Variants in HTR1F observed in about 807,000 individuals in gnomAD.
HTR1F encodes 5-hydroxytryptamine receptor 1F.
A neutral mutation model predicts 24.0 loss-of-function variants in HTR1F; 17 were observed. That is an observed-to-expected ratio of 0.71 (90% confidence interval 0.48 to 1.06). HTR1F has a LOEUF of 1.06. Among genes scored for constraint, HTR1F ranks in the 50% least tolerant of loss-of-function variants. The pLI is 0.00. For missense variants in HTR1F, 391 were observed against 427.8 expected, an observed-to-expected ratio of 0.91 and a Z score of 0.76; for synonymous variants, 186 against 156.8, an observed-to-expected ratio of 1.19 and a Z score of -1.39.
At chr3:87,878,924 C>G (rs1490694680) in intron 2 of HTR1F, among the ~76,000 whole-genome samples, 1 of 152,020 alleles carries the variant, frequency 6.6e-6, no homozygotes, top group African/African-American at 2.4e-5. Flanking sequence ...GTCTGTTATT[C>G]TTTTCATCTT....
chr3:87,810,436 A>T lies in HTR1F; in HGVS notation c.-159-11572A>T, dbSNP rs184948475. On this transcript the variant is annotated intron_variant, in intron 1 of 2. Transcript: ENST00000319595. The stretch of plus-strand genomic sequence containing the variant: ...GCGTTTTTCCCAAAGTTCCAAGCAG[A>T]CAGTAGGCCTAGAAATGACTTCCAT... Among the ~76,000 whole-genome samples, 417 of 152,274 alleles carry T rather than the reference A, an allele frequency of 2.7e-3. 7 individuals carry two copies. The highest frequency in any genetic ancestry group is 0.023 in the Admixed American group (353 of 15,280).
intron 2 of HTR1F, among the ~76,000 whole-genome samples, chr3:87,838,425 T>A (rs754401755): frequency 1.3e-5 from 2 of 152,174 alleles, no homozygotes; most frequent in Admixed American, 6.5e-5. Flanking sequence ...CTGCTCATAA[T>A]CACCACTCTG....
At chr3:87,927,451 T>A (rs1704153287) in intron 2 of HTR1F, among the ~76,000 whole-genome samples, 1 of 152,098 alleles carries the variant, frequency 6.6e-6, no homozygotes, top group African/African-American at 2.4e-5. Context: ...GTAATACAGA[T>A]CCAGAAAATG....
chr3:87,909,590 A>G (rs929901651), intron 2 of HTR1F, among the ~76,000 whole-genome samples: 5 of 152,076 alleles, frequency 3.3e-5, no homozygotes, highest in Non-Finnish European at 7.4e-5. Flanking sequence ...TACAAAATCA[A>G]TTTTACCAGA....
chr3:87,993,152 C>T lies in HTR1F; in HGVS notation c.*1302C>T, dbSNP rs1172703513. 6.0e-6 allele frequency: 1 copy of T among 166,624 alleles called. No individual in the cohort carries two copies. The highest frequency in any genetic ancestry group is 1.5e-5 in the Non-Finnish European group (1 of 68,028). The allele number at this position is 166,624 out of a possible 1,614,324, so 10.3% of individuals were successfully genotyped here. A position where few individuals can be genotyped will look rare whatever the true frequency, so the allele number is the denominator to read the frequency against. On this transcript the variant is annotated 3_prime_UTR_variant, in exon 3 of 3. Transcript: ENST00000319595. Reference sequence around the variant, plus strand: ...AGATCGTTTGAAAAACAATATATACCTTTTTTTAAGTTGTACATTTATGTG... The same window carrying T: ...AGATCGTTTGAAAAACAATATATACTTTTTTTTAAGTTGTACATTTATGTG...
intron 1 of HTR1F, chr3:87,793,181 C>T (rs1307810617): frequency 6.6e-6 from 1 of 152,434 alleles, no homozygotes; most frequent in Admixed American, 6.5e-5. Flanking sequence ...CGGCGAGACC[C>T]CACTTAGGGC....
At chr3:87,928,419 G>A (rs1232232199) in intron 2 of HTR1F, among the ~76,000 whole-genome samples, 1 of 152,054 alleles carries the variant, frequency 6.6e-6, no homozygotes, top group Admixed American at 6.6e-5. Context: ...GACAGCTCTA[G>A]CATTTCTAAG....
chr3:87,826,788 T>C (rs879386068), intron 2 of HTR1F, among the ~76,000 whole-genome samples: 2 of 152,134 alleles, frequency 1.3e-5, no homozygotes, highest in Admixed American at 1.3e-4. Flanking sequence ...AAATAGTAGA[T>C]AATGGAAGGT....
chr3:87,821,373 T>C (rs1161783992), intron 1 of HTR1F, among the ~76,000 whole-genome samples: 1 of 152,206 alleles, frequency 6.6e-6, no homozygotes. Flanking sequence ...CTTTTGTTTT[T>C]GTCTTCTCAT....
chr3:87,871,803 A>G (rs1705564304), intron 2 of HTR1F, among the ~76,000 whole-genome samples: 1 of 152,114 alleles, frequency 6.6e-6, no homozygotes, highest in Non-Finnish European at 1.5e-5. Context: ...GCAGCAGCAC[A>G]TTAACAGTAG....
Position 87,942,792 on chromosome 3 carries a change from T to C in HTR1F, c.-42-47916T>C, listed in dbSNP as rs1320710761. Among the ~76,000 whole-genome samples, 4 of 151,942 alleles carry C rather than the reference T, an allele frequency of 2.6e-5. No homozygotes were observed. In the East Asian group the frequency reaches 5.8e-4, roughly 22 times the overall value. On this transcript the variant is annotated intron_variant, in intron 2 of 2. Coordinates refer to ENST00000319595, the MANE Select transcript of HTR1F (RefSeq NM_001322209.2). ...TTCCACCTGCTCCTCCTGATCTCTA[T>C]TATAAAAAACCCAGGTTACCAAGTT...
intron 2 of HTR1F, among the ~76,000 whole-genome samples, chr3:87,981,962 C>G (rs1705553607): frequency 6.6e-6 from 1 of 150,870 alleles, no homozygotes; most frequent in South Asian, 2.1e-4. Flanking sequence ...ATGTCTCACT[C>G]TGGCCTGTCA....
intron 2 of HTR1F, among the ~76,000 whole-genome samples, chr3:87,939,710 T>A (rs1704516360): frequency 6.6e-6 from 1 of 152,182 alleles, no homozygotes; most frequent in East Asian, 1.9e-4. Flanking sequence ...AGTGGTCATA[T>A]CCCCTTTGTC....
At chr3:87,870,578 G>A (rs1039990364) in intron 2 of HTR1F, among the ~76,000 whole-genome samples, 24 of 152,188 alleles carry the variant, frequency 1.6e-4, no homozygotes, top group African/African-American at 5.5e-4. Flanking sequence ...TTGGGAGAGA[G>A]AAAGAAAGGG....
chr3:87,979,288 C>T (rs1705490395), intron 2 of HTR1F, among the ~76,000 whole-genome samples: 2 of 152,044 alleles, frequency 1.3e-5, no homozygotes, highest in East Asian at 1.9e-4. Context: ...CCAATCCACA[C>T]AACCGCTAGA....
intron 2 of HTR1F, among the ~76,000 whole-genome samples, chr3:87,967,445 CT>C (rs1705190202): frequency 1.8e-5 from 1 of 54,066 alleles, no homozygotes; most frequent in Admixed American, 2.4e-4. Flanking sequence ...GTGAAACTGT[CT>C]CAAAAAAAAA....
chr3:87,817,554 A>G (rs1438140936), intron 1 of HTR1F, among the ~76,000 whole-genome samples: 4 of 152,166 alleles, frequency 2.6e-5, no homozygotes, highest in Non-Finnish European at 5.9e-5. Context: ...AGTCGGGAAT[A>G]CTACACTTGT....
At chr3:87,876,104 CAA>C (rs757802650) in intron 2 of HTR1F, among the ~76,000 whole-genome samples, 33 of 151,958 alleles carry the variant, frequency 2.2e-4, no homozygotes, top group Non-Finnish European at 4.3e-4. Flanking sequence ...CATAAAATAA[CAA>C]GTGTTGGGAA....
intron 2 of HTR1F, among the ~76,000 whole-genome samples, chr3:87,925,633 A>G (rs1704107538): frequency 6.6e-6 from 1 of 152,172 alleles, no homozygotes. Context: ...AGTAGTTTGC[A>G]TCTTGGAGAG....
Sources: allele counts gnomAD v4.1 joint callset (sites outside exome capture counted in the v4.1 genomes callset), GRCh38; gene constraint gnomAD v4.1.1; transcripts MANE v1.5; gene names NCBI Gene and HGNC (gene_info 2026-07-23, HGNC 2026-07-21).